Variants in CCSER1 observed in about 807,000 individuals in gnomAD.
CCSER1 encodes the protein coiled-coil serine rich protein 1, also known as serine-rich coiled-coil domain-containing protein 1.
CCSER1 carries 41 observed loss-of-function variants against 82.0 expected under a neutral mutation model. The ratio of observed to expected loss-of-function variants is 0.50; its 90% confidence interval spans 0.39 to 0.65. The LOEUF (loss-of-function observed/expected upper bound fraction) is 0.65. CCSER1 is among the 30% of genes least tolerant of loss of function. The pLI is 0.00. For missense variants in CCSER1, 1,119 were observed against 1,064.2 expected (o/e 1.05, Z -0.72); for synonymous variants, 414 against 383.9 (o/e 1.08, Z -0.92).
At chr4:91,079,269 T>A (rs1166446843) in intron 9 of CCSER1, among the ~76,000 whole-genome samples, 2 of 152,150 alleles carry the variant, frequency 1.3e-5, no homozygotes, top group African/African-American at 2.4e-5. Flanking sequence ...GGGTCAATAT[T>A]CAACATTCTT....
At chr4:90,738,342 C>G (rs542375348) in intron 7 of CCSER1, among the ~76,000 whole-genome samples, 13 of 152,254 alleles carry the variant, frequency 8.5e-5, no homozygotes, top group African/African-American at 3.1e-4. Flanking sequence ...ACACCCCAAG[C>G]TGAGTAATGC....
chr4:91,037,942 C>T (rs1010525141), intron 9 of CCSER1, among the ~76,000 whole-genome samples: 2 of 151,888 alleles, frequency 1.3e-5, no homozygotes, highest in African/African-American at 4.8e-5. Context: ...AATTTTTTTT[C>T]TTAAACTATT....
intron 10 of CCSER1, among the ~76,000 whole-genome samples, chr4:91,205,662 C>T (rs955816570): frequency 5.9e-5 from 9 of 151,336 alleles, no homozygotes; most frequent in African/African-American, 1.7e-4. Flanking sequence ...TCCTCCCTCC[C>T]TCCCTCCTAC....
chr4:90,497,961 T>A (rs1309133559), intron 5 of CCSER1, among the ~76,000 whole-genome samples: 2 of 151,984 alleles, frequency 1.3e-5, no homozygotes, highest in Non-Finnish European at 2.9e-5. Context: ...TTTTTTTTTT[T>A]TTGAGATGGA....
At chr4:91,168,942 G>T (rs1223388397) in intron 10 of CCSER1, among the ~76,000 whole-genome samples, 1 of 152,016 alleles carries the variant, frequency 6.6e-6, no homozygotes, top group African/African-American at 2.4e-5. Context: ...TCAACTCAGG[G>T]TTAAATGGAT....
At chr4:91,455,618 C>G (rs989781407) in intron 10 of CCSER1, among the ~76,000 whole-genome samples, 1 of 152,000 alleles carries the variant, frequency 6.6e-6, no homozygotes. Flanking sequence ...TCATATACTA[C>G]CCAGTCTAAG....
At chr4:90,891,995 A>G (rs1723028463) in intron 8 of CCSER1, among the ~76,000 whole-genome samples, 1 of 152,080 alleles carries the variant, frequency 6.6e-6, no homozygotes, top group East Asian at 1.9e-4. Context: ...CAAACTGAAA[A>G]AGAAAATTCT....
intron 9 of CCSER1, among the ~76,000 whole-genome samples, chr4:91,064,989 A>G (rs1389060662): frequency 6.6e-6 from 1 of 152,092 alleles, no homozygotes; most frequent in Non-Finnish European, 1.5e-5. Flanking sequence ...TATTGTAAGT[A>G]CAGTAAAAAA....
intron 8 of CCSER1, among the ~76,000 whole-genome samples, chr4:90,855,843 G>T (rs1484290679): frequency 2.0e-5 from 3 of 152,054 alleles, no homozygotes; most frequent in African/African-American, 7.2e-5. Context: ...ATTATTCACA[G>T]TGGCATTTTA....
intron 7 of CCSER1, among the ~76,000 whole-genome samples, chr4:90,764,763 C>T (rs1337768375): frequency 3.9e-5 from 6 of 151,964 alleles, no homozygotes; most frequent in Non-Finnish European, 7.4e-5. Flanking sequence ...TTATTTTTCT[C>T]AACTAGAGAA....
chr4:90,198,867 A>G (rs1304948662), intron 1 of CCSER1, among the ~76,000 whole-genome samples: 2 of 152,132 alleles, frequency 1.3e-5, no homozygotes, highest in Admixed American at 1.3e-4. Context: ...AATGTTTTGA[A>G]ACTTTTTAGA....
At chr4:90,297,924 A>G (rs1732302938) in intron 1 of CCSER1, among the ~76,000 whole-genome samples, 2 of 152,072 alleles carry the variant, frequency 1.3e-5, no homozygotes, top group South Asian at 2.1e-4. Context: ...TTTTGTATCA[A>G]TGTTCATCAA....
At chr4:91,048,959 G>A (rs1301665244) in intron 9 of CCSER1, among the ~76,000 whole-genome samples, 1 of 152,064 alleles carries the variant, frequency 6.6e-6, no homozygotes, top group Non-Finnish European at 1.5e-5. Context: ...AACTATTAAT[G>A]ATAAGACTCT....
chr4:90,890,707 G>C (rs556521824), intron 8 of CCSER1, among the ~76,000 whole-genome samples: 35 of 152,232 alleles, frequency 2.3e-4, no homozygotes, highest in African/African-American at 8.4e-4. Context: ...CTGTTTTCCT[G>C]ACTTCCTCAC....
chr4:90,854,656 A>G (rs1764261328), intron 8 of CCSER1, among the ~76,000 whole-genome samples: 1 of 151,996 alleles, frequency 6.6e-6, no homozygotes, highest in Admixed American at 6.6e-5. Context: ...TTCTTACTTA[A>G]TGGTATAGGT....
intron 10 of CCSER1, among the ~76,000 whole-genome samples, chr4:91,583,489 A>G (rs1763832417): frequency 6.6e-6 from 1 of 151,338 alleles, no homozygotes; most frequent in African/African-American, 2.4e-5. Context: ...GGTGCTAATT[A>G]TGATATGTTC....
chr4:91,465,552 G>A (rs193203578), intron 10 of CCSER1, among the ~76,000 whole-genome samples: 1,564 of 152,136 alleles, frequency 0.01, 11 homozygotes, highest in Middle Eastern at 0.027. Context: ...CAAAAAATCA[G>A]TGAATCCAGG....
chr4:90,425,460 A>T (rs946528726), intron 4 of CCSER1, among the ~76,000 whole-genome samples: 2 of 152,196 alleles, frequency 1.3e-5, no homozygotes, highest in Non-Finnish European at 2.9e-5. Flanking sequence ...AATTCAAGCA[A>T]TGTACATCTA....
chr4:91,546,585 C>T (rs1437322932), intron 10 of CCSER1, among the ~76,000 whole-genome samples: 3 of 151,950 alleles, frequency 2.0e-5, no homozygotes, highest in East Asian at 3.9e-4. Flanking sequence ...TGTAATTATG[C>T]CACCTCTTCT....
Sources: allele counts gnomAD v4.1 joint callset (sites outside exome capture counted in the v4.1 genomes callset), GRCh38; gene constraint gnomAD v4.1.1; transcripts MANE v1.5; gene names NCBI Gene and HGNC (gene_info 2026-07-23, HGNC 2026-07-21).